The following DLG2 variants were observed in gnomAD, a reference collection of about 807,000 sequenced individuals.
DLG2 encodes the protein discs large MAGUK scaffold protein 2, also known as disks large homolog 2.
In DLG2, 45 loss-of-function variants were observed where a neutral mutation model predicts 132.5. The ratio of observed to expected loss-of-function variants is 0.34; its 90% CI spans 0.27 to 0.44. The LOEUF (loss-of-function observed/expected upper bound fraction) is 0.44. Among genes scored for constraint, DLG2 ranks in the 20% least tolerant of loss-of-function variants. The probability of loss-of-function intolerance (pLI) is 1.00; values close to 1 mark genes in which losing one functional copy is unlikely to be tolerated. For synonymous variants in DLG2, 424 were observed against 419.6 expected, an observed-to-expected ratio of 1.01 and a Z score of -0.13; for missense variants, 1,045 against 1,196.9, an observed-to-expected ratio of 0.87 and a Z score of 1.87.
intron 16 of DLG2, among the ~76,000 whole-genome samples, chr11:83,849,392 A>G (rs1430598432): frequency 6.6e-6 from 1 of 151,434 alleles, no homozygotes; most frequent in Non-Finnish European, 1.5e-5. Flanking sequence ...TTTATCGAGC[A>G]TAAACATTTG....
chr11:84,703,881 T>TAC lies in DLG2; in HGVS notation c.358-169151_358-169150insGT, dbSNP rs1555174909. 2.9e-4 allele frequency among the ~76,000 whole-genome samples: 35 copies of TAC among 122,744 alleles called. 2 individuals carry two copies. In the South Asian group the frequency reaches 5.0e-3, roughly 17 times the overall value. 80.5% of individuals were successfully genotyped at this position (122,744 alleles called of 152,430 possible). ...AGATATATATATATATATATATATA[T>TAC]ATACACGTGTGTGTGTGTGTGTGTG... On this transcript the variant is annotated intron_variant, in intron 6 of 27. Transcript: ENST00000376104.
chr11:83,623,289 C>T (rs981121110), intron 19 of DLG2, among the ~76,000 whole-genome samples: 2 of 151,948 alleles, frequency 1.3e-5, no homozygotes, highest in Admixed American at 6.6e-5. Context: ...AATAGGGTTC[C>T]ATATTAATTT....
chr11:83,835,773 C>G (rs7947211), intron 16 of DLG2, among the ~76,000 whole-genome samples: 110,887 of 152,034 alleles, frequency 0.73, 41,689 homozygotes, highest in African/African-American at 0.92. Context: ...CAGCCAGGCT[C>G]AGCTTTATTG....
chr11:84,384,463 T>G (rs1209669486), intron 7 of DLG2, among the ~76,000 whole-genome samples: 1 of 152,036 alleles, frequency 6.6e-6, no homozygotes, highest in Non-Finnish European at 1.5e-5. Context: ...CTTTGCAAAA[T>G]TAAGCTGCCC....
chr11:83,904,254 T>A (rs977946479), intron 15 of DLG2, among the ~76,000 whole-genome samples: 1 of 152,146 alleles, frequency 6.6e-6, no homozygotes, highest in African/African-American at 2.4e-5. Flanking sequence ...TTAAAACATA[T>A]AAATTGTTTA....
At chr11:83,787,317 T>TG (rs1340904579) in intron 17 of DLG2, among the ~76,000 whole-genome samples, 1 of 90,076 alleles carries the variant, frequency 1.1e-5, no homozygotes, top group African/African-American at 6.3e-5. Context: ...GCCTTGTTTT[T>TG]TTTTTGTTTT....
intron 18 of DLG2, among the ~76,000 whole-genome samples, chr11:83,657,938 A>G (rs2153537441): frequency 6.6e-6 from 1 of 152,316 alleles, no homozygotes; most frequent in African/African-American, 2.4e-5. Context: ...TTCTTTCATG[A>G]GCACACACAT....
At chr11:84,257,991 C>T (rs553382416) in intron 7 of DLG2, among the ~76,000 whole-genome samples, 2 of 152,082 alleles carry the variant, frequency 1.3e-5, no homozygotes, top group Non-Finnish European at 2.9e-5. Context: ...CCAGCCAGAT[C>T]CTAATTTTTG....
chr11:83,483,433 C>A, intron 22 of DLG2: 2 of 585,330 alleles, frequency 3.4e-6, no homozygotes, highest in Non-Finnish European at 5.9e-6. Context: ...CCCATTCTCT[C>A]TTCTTTTAAA....
chr11:84,654,396 T>C (rs966311575), intron 6 of DLG2, among the ~76,000 whole-genome samples: 14 of 152,180 alleles, frequency 9.2e-5, no homozygotes, highest in African/African-American at 1.7e-4. Flanking sequence ...CAGTCTACCA[T>C]TGATCACTTT....
intron 2 of DLG2, among the ~76,000 whole-genome samples, chr11:85,615,295 T>A (rs2081264322): frequency 6.6e-6 from 1 of 152,128 alleles, no homozygotes; most frequent in Admixed American, 6.6e-5. Flanking sequence ...GGCAGACGGA[T>A]CACTTTGAGC....
intron 9 of DLG2, among the ~76,000 whole-genome samples, chr11:84,111,112 T>C (rs764038213): frequency 5.9e-5 from 9 of 152,176 alleles, no homozygotes; most frequent in Non-Finnish European, 1.2e-4. Flanking sequence ...TTCCCTATTC[T>C]ATTGTGAGAA....
At chr11:85,398,702 C>T (rs2152958763) in intron 3 of DLG2, among the ~76,000 whole-genome samples, 1 of 152,184 alleles carries the variant, frequency 6.6e-6, no homozygotes, top group Middle Eastern at 3.4e-3. Flanking sequence ...TTCCTGGACA[C>T]ATACTCTCCC....
chr11:84,120,646 T>A (rs1417590489), intron 9 of DLG2, among the ~76,000 whole-genome samples: 2 of 151,980 alleles, frequency 1.3e-5, no homozygotes, highest in Non-Finnish European at 2.9e-5. Flanking sequence ...ATAAAATAGG[T>A]TTCCTTCATT....
intron 6 of DLG2, chr11:84,997,508 C>A (rs1200260726): frequency 6.6e-6 from 1 of 152,162 alleles, no homozygotes; most frequent in African/African-American, 2.4e-5. Flanking sequence ...CTCTAAGGTT[C>A]TTTGTCCTGG....
At chr11:83,474,871 T>A (rs2092458637) in intron 22 of DLG2, among the ~76,000 whole-genome samples, 1 of 152,162 alleles carries the variant, frequency 6.6e-6, no homozygotes, top group Non-Finnish European at 1.5e-5. Context: ...TGATGGAACG[T>A]TCTAAAGGCA....
chr11:85,267,643 T>C (rs933851901), intron 4 of DLG2, among the ~76,000 whole-genome samples: 41 of 152,150 alleles, frequency 2.7e-4, no homozygotes, highest in African/African-American at 8.9e-4. Flanking sequence ...GAATCAGTTA[T>C]TTAAAAAAAA....
chr11:84,143,668 T>A (rs1385643660), intron 9 of DLG2, among the ~76,000 whole-genome samples: 1 of 152,160 alleles, frequency 6.6e-6, no homozygotes, highest in Non-Finnish European at 1.5e-5. Context: ...ATGCTTGAAA[T>A]AATTTCAGTT....
chr11:84,351,669 A>G (rs1203235158), intron 7 of DLG2, among the ~76,000 whole-genome samples: 2 of 152,292 alleles, frequency 1.3e-5, no homozygotes, highest in Non-Finnish European at 1.5e-5. Context: ...CTTTTAGAGA[A>G]CTTGTAATTT....
Sources: gnomAD v4.1 joint callset for allele counts (sites outside exome capture counted in the v4.1 genomes callset) on GRCh38, gnomAD v4.1.1 for gene constraint, MANE v1.5 for transcripts, NCBI Gene and HGNC (gene_info 2026-07-23, HGNC 2026-07-21) for gene names.